The following SLC26A4 variants were observed in gnomAD, a reference collection of about 807,000 sequenced individuals.
SLC26A4 encodes the protein solute carrier family 26 member 4.
In SLC26A4, 93 loss-of-function variants were observed where a neutral mutation model predicts 90.4. That is an observed-to-expected ratio of 1.03 (90% CI 0.87 to 1.22). SLC26A4 has a LOEUF of 1.22. Ranked by LOEUF, SLC26A4 falls within the 50% of genes most tolerant of loss-of-function variation. SLC26A4 has a pLI of 0.00. For missense variants in SLC26A4, 1,127 were observed against 946.2 expected (o/e 1.19, Z -2.51); for synonymous variants, 393 against 354.6 (o/e 1.11, Z -1.22).
chr7:107,666,485 G>T (rs1167742284), intron 3 of SLC26A4, among the ~76,000 whole-genome samples: 25 of 152,216 alleles, frequency 1.6e-4, no homozygotes, highest in Non-Finnish European at 1.3e-4. Context: ...GCCTCCCAAA[G>T]TGCTGGGATT....
At chr7:107,677,537 G>C (rs1423423138) in intron 6 of SLC26A4, among the ~76,000 whole-genome samples, 1 of 151,890 alleles carries the variant, frequency 6.6e-6, no homozygotes, top group Non-Finnish European at 1.5e-5. Context: ...AAAAGTTTTT[G>C]ATTCAGCATT....
intron 17 of SLC26A4, among the ~76,000 whole-genome samples, chr7:107,702,270 C>T (rs970625069): frequency 2.0e-5 from 3 of 152,224 alleles, no homozygotes; most frequent in Admixed American, 1.3e-4. Flanking sequence ...CAGTACGACC[C>T]TGGGCAAGTT....
intron 2 of SLC26A4, among the ~76,000 whole-genome samples, chr7:107,662,935 A>G (rs1299063992): frequency 6.6e-6 from 1 of 152,238 alleles, no homozygotes; most frequent in Non-Finnish European, 1.5e-5. Context: ...AAATAATAAT[A>G]ATAAGGCGCC....
At position 107,710,036 on chromosome 7, in the gene SLC26A4, T is replaced by A. The variant is rs369798457; in HGVS notation, c.2090-18T>A. 11 of 1,610,052 alleles carry A rather than the reference T, an allele frequency of 6.8e-6. No homozygotes were observed. Among genetic ancestry groups the A allele is most frequent in the Non-Finnish European group, 9.3e-6 (11 of 1,176,590 alleles). ...CTTTTCCTAGGAACTAACAAAACAT[T>A]GTGTCTTTCTTTTGAAGATTATGTG... is the stretch of plus-strand genomic sequence containing the variant. On this transcript the variant is annotated intron_variant, in intron 18 of 20. Transcript: ENST00000644269.
intron 17 of SLC26A4, 82 bp downstream of exon 17, chr7:107,702,139 G>A (rs1791911920): frequency 3.5e-6 from 3 of 853,412 alleles, no homozygotes; most frequent in Non-Finnish European, 6.0e-6. Flanking sequence ...TTGCAACAGG[G>A]CAAATACATG....
chr7:107,662,103 C>T (rs934760718), intron 2 of SLC26A4: 12 of 493,508 alleles, frequency 2.4e-5, no homozygotes, highest in African/African-American at 2.4e-4. Context: ...CTTGGAGTGC[C>T]TCTTGGGGTA....
Position 107,683,516 on chromosome 7 carries a change from T to C in SLC26A4, c.980T>C (p.Ile327Thr), listed in dbSNP as rs542303566. 34 of 1,613,814 alleles carry C rather than the reference T, an allele frequency of 2.1e-5. No homozygotes were observed. In the South Asian group the frequency reaches 3.6e-4, roughly 17 times the overall value. The change falls in exon 8 of 21, where the codon ATT (isoleucine) becomes ACT (threonine). Residue 327 changes from isoleucine to threonine, a missense_variant. Ile to Thr is a moderately conservative substitution (Grantham distance 89). Coordinates refer to ENST00000644269, the MANE Select transcript of SLC26A4 (RefSeq NM_000441.2). ...ANLEKNYNAGIVKSIPRGFLP... is the reference protein window; with the variant it reads ...ANLEKNYNAGTVKSIPRGFLP... ...CTGGAAAAAAATTACAATGCTGGCA[T>C]TGTTAAATCCATCCCAAGGGGGTGA...
At chr7:107,714,877 T>C (rs983821321) in intron 20 of SLC26A4, among the ~76,000 whole-genome samples, 3 of 152,044 alleles carry the variant, frequency 2.0e-5, no homozygotes, top group African/African-American at 7.2e-5. Context: ...GCCTTGTACA[T>C]AGTAAGTGCT....
At chr7:107,686,398 C>CTTT (rs1562831112) in intron 8 of SLC26A4, among the ~76,000 whole-genome samples, 28 of 91,016 alleles carry the variant, frequency 3.1e-4, no homozygotes, top group African/African-American at 1.2e-3. Context: ...TCCTTCCTCT[C>CTTT]TCTCTTTTTT....
chr7:107,689,179 T>G lies in SLC26A4; in HGVS notation c.1128T>G (p.Asp376Glu), dbSNP rs1791502189. ...GAAAAGTATATGCCACCAAGTATGA[T>G]TACACCATCGATGGGAACCAGGTAT... ...SVGKVYATKY[D>E]YTIDGNQEFI... The change falls in exon 9 of 21, where the codon GAT becomes GAG. Residue 376 changes from aspartate to glutamate, a missense_variant. Physicochemically the swap from Asp to Glu is conservative, Grantham distance 45. Transcript: ENST00000644269. 6.2e-7 allele frequency: 1 copy of G among 1,613,790 alleles called. No homozygotes were observed. The highest frequency in any genetic ancestry group is 1.1e-5 in the South Asian group (1 of 91,082).
intron 17 of SLC26A4, among the ~76,000 whole-genome samples, chr7:107,702,860 A>G (rs976948003): frequency 1.3e-5 from 2 of 152,216 alleles, no homozygotes; most frequent in African/African-American, 4.8e-5. Flanking sequence ...GCAACAGGAT[A>G]AGGAATACCA....
intron 19 of SLC26A4, 45 bp downstream of exon 19, chr7:107,710,244 A>G (rs760312778): frequency 7.3e-7 from 1 of 1,365,092 alleles, no homozygotes; most frequent in South Asian, 1.2e-5. Context: ...CTAAACTATC[A>G]TGATTTCTAT....
intron 3 of SLC26A4, among the ~76,000 whole-genome samples, chr7:107,669,243 C>A (rs927754670): frequency 1.3e-5 from 2 of 152,184 alleles, no homozygotes; most frequent in African/African-American, 2.4e-5. Context: ...AATCATGAGC[C>A]ATCACACCTA....
intron 18 of SLC26A4, among the ~76,000 whole-genome samples, chr7:107,708,703 A>T (rs180680779): frequency 0.037 from 5,277 of 144,262 alleles, 119 homozygotes; most frequent in Middle Eastern, 0.1. Context: ...TTTTTTTTTT[A>T]AAAAACAAAA....
In SLC26A4 at chr7:107,701,675, T is replaced by A. The variant is rs891310323; in HGVS notation, c.1804-152T>A. Reference sequence around the variant, plus strand: ...TTTTCTTCCTAGACAACATCAAAGTTTGGGCTGAGGTGAAACCCATCCTTA... The same window carrying A: ...TTTTCTTCCTAGACAACATCAAAGTATGGGCTGAGGTGAAACCCATCCTTA... On this transcript the variant is annotated intron_variant, in intron 16 of 20. Coordinates refer to ENST00000644269, the MANE Select transcript of SLC26A4 (RefSeq NM_000441.2). 21 of 653,792 alleles carry A rather than the reference T, an allele frequency of 3.2e-5. No individual in the cohort carries two copies. The African/African-American group carries it at 3.8e-4, about 12-fold the overall frequency. 40.5% of individuals were successfully genotyped at this position (653,792 alleles called of 1,614,324 possible).
chr7:107,669,255 C>A (rs1419662250), intron 3 of SLC26A4, among the ~76,000 whole-genome samples: 1 of 152,172 alleles, frequency 6.6e-6, no homozygotes, highest in Non-Finnish European at 1.5e-5. Context: ...TCACACCTAG[C>A]CCCAGATTTC....
chr7:107,682,554 A>G (rs1430724679), intron 6 of SLC26A4, among the ~76,000 whole-genome samples: 1 of 152,108 alleles, frequency 6.6e-6, no homozygotes, highest in Non-Finnish European at 1.5e-5. Flanking sequence ...GTATTTTAGG[A>G]TTTTTTGTAA....
At position 107,691,954 on chromosome 7, in the gene SLC26A4, C is replaced by T. The variant is rs957719914; in HGVS notation, c.1263+1717C>T. On this transcript the variant is annotated intron_variant, in intron 10 of 20. Coordinates refer to ENST00000644269, the MANE Select transcript of SLC26A4 (RefSeq NM_000441.2). ...GAACTTCTGCTGCTTTCATTTGAGA[C>T]GGAGCACTGACAAGCTCTCCAGAGC... 1.5e-4 allele frequency: 192 copies of T among 1,287,584 alleles called. No individual in the cohort carries two copies. The Admixed American group carries it at 2.3e-3, about 16-fold the overall frequency. The allele number at this position is 1,287,584 out of a possible 1,614,324, so 79.8% of individuals were successfully genotyped here.
At chr7:107,680,759 A>G (rs933845294) in intron 6 of SLC26A4, among the ~76,000 whole-genome samples, 2 of 152,160 alleles carry the variant, frequency 1.3e-5, no homozygotes, top group African/African-American at 4.8e-5. Flanking sequence ...ATTCTCATGG[A>G]TTAAACTGGA....
Sources: gnomAD v4.1 joint callset for allele counts (sites outside exome capture counted in the v4.1 genomes callset) on GRCh38, gnomAD v4.1.1 for gene constraint, MANE v1.5 for transcripts, NCBI Gene and HGNC (gene_info 2026-07-23, HGNC 2026-07-21) for gene names.